The following AGBL4 variants were observed in gnomAD, a reference collection of about 807,000 sequenced individuals.
AGBL4 encodes the protein cytosolic carboxypeptidase 6.
In AGBL4, 58 loss-of-function variants were observed where a neutral mutation model predicts 66.4. The observed-to-expected ratio is 0.87, with a 90% CI of 0.71 to 1.09. The LOEUF (loss-of-function observed/expected upper bound fraction) is 1.09, where lower values mean the gene tolerates loss of function less well. Ranked by LOEUF, AGBL4 falls within the 50% of genes least tolerant of loss-of-function variation. The pLI is 0.00. For missense variants in AGBL4, 579 were observed against 631.0 expected (o/e 0.92, Z 0.88); for synonymous variants, 234 against 222.9 (o/e 1.05, Z -0.44).
intron 3 of AGBL4, among the ~76,000 whole-genome samples, chr1:49,558,715 C>G (rs1643961642): frequency 6.6e-6 from 1 of 152,060 alleles, no homozygotes; most frequent in Non-Finnish European, 1.5e-5. Context: ...GCCCAGTACC[C>G]TAGAGGGTGA....
At chr1:49,047,654 T>C (rs552327096) in intron 4 of AGBL4, among the ~76,000 whole-genome samples, 1 of 152,102 alleles carries the variant, frequency 6.6e-6, no homozygotes, top group Non-Finnish European at 1.5e-5. Context: ...TATAGAAGAA[T>C]GAGGATTTCT....
At chr1:49,402,304 G>C (rs1032328814) in intron 3 of AGBL4, among the ~76,000 whole-genome samples, 4 of 152,044 alleles carry the variant, frequency 2.6e-5, no homozygotes, top group African/African-American at 9.7e-5. Context: ...TTTTGGTGTA[G>C]GCATGTATAG....
Position 49,513,393 on chromosome 1 carries a change from A to G in AGBL4, c.282+183920T>C, listed in dbSNP as rs1295155628. Among the ~76,000 whole-genome samples the G allele has an allele frequency of 3.3e-5, 5 of 151,890 alleles. No individual in the cohort carries two copies. The South Asian group carries it at 8.3e-4, about 25-fold the overall frequency. Reference sequence around the variant, plus strand: ...TGTCACCATGGTAGTATTGCCTGATATGTAGTTTTTTAACCTATCCCACTC... The same window carrying G: ...TGTCACCATGGTAGTATTGCCTGATGTGTAGTTTTTTAACCTATCCCACTC... On this transcript the variant is annotated intron_variant, in intron 3 of 13. Coordinates refer to ENST00000371839, the MANE Select transcript of AGBL4 (RefSeq NM_032785.4).
Position 49,430,104 on chromosome 1 carries a change from C to T in AGBL4, c.283-184240G>A, listed in dbSNP as rs1002977011. 2.6e-5 allele frequency among the ~76,000 whole-genome samples: 4 copies of T among 152,058 alleles called. No individual in the cohort carries two copies. The South Asian group carries it at 6.2e-4, about 24-fold the overall frequency. On this transcript the variant is annotated intron_variant, in intron 3 of 13. Coordinates refer to ENST00000371839, the MANE Select transcript of AGBL4 (RefSeq NM_032785.4). ...CTGAGCTCAAGCAATCCACCTGCCT[C>T]GGCCTCCAAAAGTGCTGGGATTACA...
chr1:49,856,905 A>G (rs992957498), intron 1 of AGBL4, among the ~76,000 whole-genome samples: 3 of 152,062 alleles, frequency 2.0e-5, no homozygotes, highest in African/African-American at 7.2e-5. Context: ...GGAAAAGAGA[A>G]ATCCAAATGG....
At chr1:48,746,218 A>C (rs1650729272) in intron 6 of AGBL4, among the ~76,000 whole-genome samples, 1 of 152,256 alleles carries the variant, frequency 6.6e-6, no homozygotes, top group Non-Finnish European at 1.5e-5. Context: ...TTCAGAGTCT[A>C]GTACAGAGTG....
At chr1:48,740,467 T>G (rs1047714936) in intron 6 of AGBL4, among the ~76,000 whole-genome samples, 39 of 152,228 alleles carry the variant, frequency 2.6e-4, no homozygotes, top group Admixed American at 1.1e-3. Context: ...TTCAATGAGT[T>G]TTTGAAATAA....
At chr1:49,677,339 A>G (rs1266759286) in intron 3 of AGBL4, among the ~76,000 whole-genome samples, 1 of 152,148 alleles carries the variant, frequency 6.6e-6, no homozygotes, top group Non-Finnish European at 1.5e-5. Flanking sequence ...CTTTTTCTGC[A>G]TCAACTGATA....
At chr1:48,629,208 A>G (rs769247197) in intron 9 of AGBL4, among the ~76,000 whole-genome samples, 10 of 152,100 alleles carry the variant, frequency 6.6e-5, no homozygotes, top group Admixed American at 1.3e-4. Context: ...GCTTTCTAAG[A>G]TCATAACTGG....
At chr1:49,556,516 T>TTATATA (rs35314433) in intron 3 of AGBL4, among the ~76,000 whole-genome samples, 1 of 146,686 alleles carries the variant, frequency 6.8e-6, no homozygotes, top group Non-Finnish European at 1.5e-5. Flanking sequence ...ATAAAAAAAA[T>TTATATA]TATATATATA....
At chr1:49,956,041 T>C (rs910072728) in intron 1 of AGBL4, among the ~76,000 whole-genome samples, 4 of 151,974 alleles carry the variant, frequency 2.6e-5, no homozygotes, top group Admixed American at 6.6e-5. Flanking sequence ...TATTCTCTTA[T>C]AATTTTCAAG....
At chr1:48,758,676 G>A (rs531022836) in intron 6 of AGBL4, among the ~76,000 whole-genome samples, 2 of 152,284 alleles carry the variant, frequency 1.3e-5, no homozygotes, top group East Asian at 3.9e-4. Context: ...TCTGACCCAT[G>A]TTCGCCAATG....
intron 3 of AGBL4, among the ~76,000 whole-genome samples, chr1:49,352,083 C>G (rs1270413681): frequency 2.0e-5 from 3 of 152,242 alleles, no homozygotes; most frequent in Non-Finnish European, 4.4e-5. Context: ...AATTATCCAT[C>G]CACTGACAAA....
chr1:49,906,360 A>C (rs12403905), intron 1 of AGBL4, among the ~76,000 whole-genome samples: 3 of 152,006 alleles, frequency 2.0e-5, no homozygotes, highest in Middle Eastern at 3.4e-3. Context: ...CCTTAGAGAT[A>C]ATCTCTCTTT....
chr1:49,676,275 C>T (rs952586207), intron 3 of AGBL4, among the ~76,000 whole-genome samples: 1 of 152,008 alleles, frequency 6.6e-6, no homozygotes, highest in Non-Finnish European at 1.5e-5. Flanking sequence ...TTTTCATTCT[C>T]AAGACACTAA....
chr1:49,282,949 C>T (rs1027462105), intron 3 of AGBL4, among the ~76,000 whole-genome samples: 114 of 152,258 alleles, frequency 7.5e-4, no homozygotes, highest in African/African-American at 2.2e-3. Flanking sequence ...GGGGGAGGGG[C>T]GCCCGCCATT....
At chr1:48,560,293 AC>A (rs1337234756) in intron 11 of AGBL4, among the ~76,000 whole-genome samples, 3 of 152,164 alleles carry the variant, frequency 2.0e-5, no homozygotes, top group Admixed American at 1.3e-4. Context: ...TCAGGTTCAA[AC>A]TAGTACTTGA....
At chr1:48,537,142 T>C (rs1413786302) in intron 12 of AGBL4, among the ~76,000 whole-genome samples, 1 of 152,180 alleles carries the variant, frequency 6.6e-6, no homozygotes, top group Non-Finnish European at 1.5e-5. Context: ...AAAGGGGAAG[T>C]ATTTATATCC....
At chr1:49,300,425 G>A (rs569347376) in intron 3 of AGBL4, among the ~76,000 whole-genome samples, 1 of 152,244 alleles carries the variant, frequency 6.6e-6, no homozygotes, top group African/African-American at 2.4e-5. Context: ...TAGATATGTG[G>A]CATTAAAACC....
Sources: allele counts gnomAD v4.1 joint callset (sites outside exome capture counted in the v4.1 genomes callset), GRCh38; gene constraint gnomAD v4.1.1; transcripts MANE v1.5; gene names NCBI Gene and HGNC (gene_info 2026-07-23, HGNC 2026-07-21).